Variants in MAMSTR observed in about 807,000 individuals in gnomAD.
MAMSTR encodes the protein MEF2 activating motif and SAP domain containing transcriptional regulator, also known as MEF2-activating motif and SAP domain-containing transcriptional regulator.
Under a neutral mutation model 42.7 loss-of-function variants are expected in MAMSTR, and 41 were observed. The ratio of observed to expected loss-of-function variants is 0.96; its 90% CI spans 0.75 to 1.25. MAMSTR has a LOEUF of 1.25. MAMSTR is among the 50% of genes most tolerant of loss of function. The probability of loss-of-function intolerance (pLI) is 0.00; values close to 1 mark genes in which losing one functional copy is unlikely to be tolerated. For missense variants in MAMSTR, 567 were observed against 557.6 expected (o/e 1.02, Z -0.17); for synonymous variants, 265 against 244.1 (o/e 1.09, Z -0.80).
At chr19:48,718,887 A>G (rs2033150335) in intron 2 of MAMSTR, 87 bp downstream of exon 2, 1 of 1,317,296 alleles carries the variant, frequency 7.6e-7, no homozygotes, top group Non-Finnish European at 1.1e-6. Flanking sequence ...CACAGGCCTC[A>G]TGGGACCTAC....
chr19:48,713,448 G>A lies in MAMSTR; in HGVS notation c.1067C>T (p.Pro356Leu). The change falls in exon 10 of 10, where the codon CCG becomes CTG. Residue 356 changes from proline to leucine, a missense_variant. By Grantham distance (98) the Pro-to-Leu change is moderately conservative. Coordinates refer to ENST00000318083, the MANE Select transcript of MAMSTR (RefSeq NM_001130915.2). ...AGGGGAGGAGGAGTTCGTGGGAGAC[G>A]GGAGTGAAGAGGAGAAAACAGATGA... ...GLSSVFSSSLPSPTNSSSPSP... is the reference protein window; with the variant it reads ...GLSSVFSSSLLSPTNSSSPSP... The A allele has an allele frequency of 1.2e-6, 2 of 1,612,866 alleles. No homozygotes were observed. Among genetic ancestry groups the A allele is most frequent in the East Asian group, 4.5e-5 (2 of 44,846 alleles).
At chr19:48,714,343 C>A (rs1427033191) in intron 7 of MAMSTR, 23 bp downstream of exon 7, 2 of 1,356,460 alleles carry the variant, frequency 1.5e-6, no homozygotes, top group Middle Eastern at 2.0e-4. Context: ...CATTGGTCCG[C>A]AAGCTCATAG....
downstream of MAMSTR, among the ~76,000 whole-genome samples, chr19:48,710,414 CTTTTTTTTT>C (rs551847729): frequency 2.2e-3 from 227 of 103,784 alleles, 1 homozygote; most frequent in African/African-American, 9.8e-3. Flanking sequence ...TGGGCCCAAT[CTTTTTTTTT>C]TTTTTTTTTT....
At chr19:48,707,907 A>AGGAG (rs2032677301), downstream of MAMSTR, among the ~76,000 whole-genome samples, 1 of 148,038 alleles carries the variant, frequency 6.8e-6, no homozygotes, top group Non-Finnish European at 1.5e-5. Flanking sequence ...AAAGAAAGGA[A>AGGAG]GAAAGAAAGA....
At chr19:48,708,231 CAAAAAAAAAAAAA>C (rs66744711), downstream of MAMSTR, among the ~76,000 whole-genome samples, 3 of 118,798 alleles carry the variant, frequency 2.5e-5, no homozygotes, top group East Asian at 7.5e-4. Context: ...TGAACTCCAT[CAAAAAAAAAAAAA>C]AAAAAAAAAG....
chr19:48,710,272 T>C (rs1232686779), downstream of MAMSTR, among the ~76,000 whole-genome samples: 3 of 47,410 alleles, frequency 6.3e-5, no homozygotes, highest in African/African-American at 2.6e-4. Context: ...ACCTGGCTAA[T>C]TATTTTTTTT....
intron 7 of MAMSTR, 39 bp downstream of exon 7, chr19:48,714,327 T>C (rs776518271): frequency 7.4e-7 from 1 of 1,344,510 alleles, no homozygotes; most frequent in East Asian, 3.0e-5. Flanking sequence ...CACTTTGCTT[T>C]CTCTTCATTG....
downstream of MAMSTR, among the ~76,000 whole-genome samples, chr19:48,711,992 G>A (rs959701811): frequency 3.9e-5 from 6 of 151,918 alleles, no homozygotes; most frequent in Non-Finnish European, 7.4e-5. Context: ...TCCTGACCTC[G>A]TGATCCGCCC....
downstream of MAMSTR, among the ~76,000 whole-genome samples, chr19:48,707,884 AAAGAAAAG>A (rs1273957318): frequency 4.5e-5 from 5 of 111,412 alleles, no homozygotes; most frequent in African/African-American, 1.2e-4. Flanking sequence ...AGAAAGAAAG[AAAGAAAAG>A]AAAGAAAGAA....
chr19:48,716,047 T>C, intron 3 of MAMSTR: 1 of 944,540 alleles, frequency 1.1e-6, no homozygotes, highest in Non-Finnish European at 1.4e-6. Context: ...GGGTGGGGCC[T>C]GCACTCCTGG....
At chr19:48,714,760 C>G in intron 6 of MAMSTR, 46 bp downstream of exon 6, 1 of 1,458,634 alleles carries the variant, frequency 6.9e-7, no homozygotes, top group South Asian at 1.1e-5. Flanking sequence ...TTCTGGGACC[C>G]CACCGAAGGA....
chr19:48,716,412 T>G (rs1006176450), intron 3 of MAMSTR, among the ~76,000 whole-genome samples: 3 of 146,980 alleles, frequency 2.0e-5, no homozygotes, highest in South Asian at 2.2e-4. Context: ...ATCCAGAGCT[T>G]CTCATGTATA....
At chr19:48,717,904 C>T (rs559660329) in intron 2 of MAMSTR, among the ~76,000 whole-genome samples, 94 of 152,208 alleles carry the variant, frequency 6.2e-4, no homozygotes, top group African/African-American at 2.2e-3. Context: ...GGGGTTTCAC[C>T]GTGTTGCCCA....
Position 48,719,190 on chromosome 19 carries a change from T to G in MAMSTR, c.-21-138A>C. The G allele has an allele frequency of 1.6e-6, 1 of 626,600 alleles. No individual in the cohort carries two copies. Among genetic ancestry groups the G allele is most frequent in the East Asian group, 2.9e-5 (1 of 34,934 alleles). The allele number at this position is 626,600 out of a possible 1,614,324, so 38.8% of individuals were successfully genotyped here. ...AATAGGAGCAGCCTTGGGCCATAAC[T>G]TCCGGATCCCAGGGGCTGTAGAGGA... On this transcript the variant is annotated intron_variant, in intron 1 of 9. Coordinates refer to ENST00000318083, the MANE Select transcript of MAMSTR (RefSeq NM_001130915.2). The surrounding 1 kb of genome is among the most constrained non-coding windows in gnomAD (Gnocchi z 4.4).
chr19:48,714,179 A>G, intron 7 of MAMSTR, 134 bp from the exon 8 acceptor site: 1 of 1,078,578 alleles, frequency 9.3e-7, no homozygotes, highest in Non-Finnish European at 1.3e-6. Flanking sequence ...CTCGCCCCCT[A>G]TTCTTTCATT....
In MAMSTR at chr19:48,712,796, C is replaced by T. The variant is rs1209544186; in HGVS notation, c.*471G>A. ...TCTCAGGCTCTGCTTCCAAGAGAAG[C>T]TGATCTTAGACCTGATGCTTCTAAT... On this transcript the variant is annotated 3_prime_UTR_variant, in exon 10 of 10. Transcript: ENST00000318083. The T allele has an allele frequency of 1.9e-5, 3 of 154,058 alleles. No homozygotes were observed. Among genetic ancestry groups the T allele is most frequent in the Non-Finnish European group, 1.4e-5 (1 of 69,350 alleles). 9.5% of individuals were successfully genotyped at this position (154,058 alleles called of 1,614,324 possible).
intron 3 of MAMSTR, 50 bp downstream of exon 3, chr19:48,716,655 A>G: frequency 7.5e-7 from 1 of 1,325,196 alleles, no homozygotes; most frequent in Non-Finnish European, 9.7e-7. Context: ...AGGATATCCC[A>G]GTGGGGAGTG....
chr19:48,706,393 T>G, the MAMSTR span, among the ~76,000 whole-genome samples: 7 of 151,832 alleles, frequency 4.6e-5, no homozygotes, highest in Non-Finnish European at 1.0e-4. Context: ...ATCCCAGCAC[T>G]TTGGGAAGCT....
chr19:48,715,426 T>C lies in MAMSTR; in HGVS notation c.261A>G (p.Gln87=). 6.7e-7 allele frequency: 1 copy of C among 1,494,710 alleles called. No homozygotes were observed. Among genetic ancestry groups the C allele is most frequent in the Non-Finnish European group, 8.9e-7 (1 of 1,127,080 alleles). The allele number at this position is 1,494,710 out of a possible 1,614,324, so 92.6% of individuals were successfully genotyped here. Residue 87 remains glutamine, a synonymous_variant, in exon 5 of 10, where the codon CAA becomes CAG. Transcript: ENST00000318083. ...SPKKESPKIS[Q]RWRESKPRGN... is the part of the protein sequence containing the mutation. ...CCCTGGGCTTGGACTCCCTCCAACG[T>C]TGGGAGATCTTGGGAGACTCCTGAA...
Sources: gnomAD v4.1 joint callset for allele counts (sites outside exome capture counted in the v4.1 genomes callset) on GRCh38, gnomAD v4.1.1 for gene constraint, Gnocchi (gnomAD v3.1) non-coding constraint, MANE v1.5 for transcripts, NCBI Gene and HGNC (gene_info 2026-07-23, HGNC 2026-07-21) for gene names.